NXPH1: variants seen among roughly 807,000 people sequenced by gnomAD.
The protein encoded by NXPH1 is neurexophilin 1, also known as neurexophilin-1.
In NXPH1, 5 loss-of-function variants were observed where a neutral mutation model predicts 23.7. The ratio of observed to expected loss-of-function variants is 0.21; its 90% CI spans 0.11 to 0.44. The LOEUF is 0.44. Among genes scored for constraint, NXPH1 ranks in the 20% least tolerant of loss-of-function variants. NXPH1 has a pLI of 0.99. For synonymous variants in NXPH1, 144 were observed against 122.2 expected (o/e 1.18, Z -1.18); for missense variants, 324 against 321.6 (o/e 1.01, Z -0.06).
intron 2 of NXPH1, among the ~76,000 whole-genome samples, chr7:8,509,367 T>A (rs1817578234): frequency 6.6e-6 from 1 of 152,144 alleles, no homozygotes; most frequent in Admixed American, 6.5e-5. Context: ...CACCTTGCTT[T>A]GGAAGAGCAC....
intron 2 of NXPH1, among the ~76,000 whole-genome samples, chr7:8,550,579 A>G (rs746552377): frequency 4.0e-5 from 6 of 151,586 alleles, no homozygotes; most frequent in Non-Finnish European, 5.9e-5. Flanking sequence ...TTTATATCAG[A>G]AATAATAACT....
intron 2 of NXPH1, among the ~76,000 whole-genome samples, chr7:8,688,280 CTAATG>C (rs1821177566): frequency 6.6e-6 from 1 of 152,094 alleles, no homozygotes; most frequent in Non-Finnish European, 1.5e-5. Flanking sequence ...TTTAATAACA[CTAATG>C]TAAGTCATGG....
At chr7:8,559,113 A>G (rs745406296) in intron 2 of NXPH1, among the ~76,000 whole-genome samples, 15 of 151,534 alleles carry the variant, frequency 9.9e-5, no homozygotes, top group Non-Finnish European at 2.2e-4. Flanking sequence ...TATAGGTACC[A>G]TGCATGGCTG....
At chr7:8,637,975 C>A (rs970977926) in intron 2 of NXPH1, among the ~76,000 whole-genome samples, 1 of 152,008 alleles carries the variant, frequency 6.6e-6, no homozygotes, top group East Asian at 1.9e-4. Flanking sequence ...TCTAGACTAT[C>A]AAATTAAATA....
intron 2 of NXPH1, among the ~76,000 whole-genome samples, chr7:8,614,685 G>A (rs1819697312): frequency 1.3e-5 from 2 of 151,892 alleles, no homozygotes; most frequent in Admixed American, 6.6e-5. Context: ...AAACTCACTG[G>A]AAAGATTTAA....
intron 2 of NXPH1, among the ~76,000 whole-genome samples, chr7:8,732,206 A>G (rs1292279955): frequency 6.6e-6 from 1 of 152,194 alleles, no homozygotes; most frequent in Non-Finnish European, 1.5e-5. Flanking sequence ...CGGCTCGTGC[A>G]TGGTGCGCGC....
intron 2 of NXPH1, among the ~76,000 whole-genome samples, chr7:8,685,438 A>AT (rs58840445): frequency 0.38 from 55,973 of 147,808 alleles, 10,319 homozygotes; most frequent in East Asian, 0.44. Flanking sequence ...ACTGGATCTC[A>AT]TTTTTTTTTT....
At chr7:8,478,486 G>A (rs932706417) in intron 2 of NXPH1, among the ~76,000 whole-genome samples, 1 of 151,960 alleles carries the variant, frequency 6.6e-6, no homozygotes, top group South Asian at 2.1e-4. Context: ...CAAATTTTAA[G>A]ATCAAAAAGA....
At position 8,710,812 on chromosome 7, in the gene NXPH1, G is replaced by T. The variant is rs192905444; in HGVS notation, c.55-40196G>T. Among the ~76,000 whole-genome samples the T allele has an allele frequency of 2.9e-5, 4 of 138,144 alleles. 1 individual carries two copies. In the East Asian group the frequency reaches 6.6e-4, roughly 23 times the overall value. The allele number at this position is 138,144 out of a possible 152,430, so 90.6% of individuals were successfully genotyped here. A position where few individuals can be genotyped will look rare whatever the true frequency, so the allele number is the denominator to read the frequency against. On this transcript the variant is annotated intron_variant, in intron 2 of 2. Coordinates refer to ENST00000405863, the MANE Select transcript of NXPH1 (RefSeq NM_152745.3). ...CCAGTAGCTGGGACTACAGGCGCCCGCCACCGCGCCCGGCTAATTTTTTGT... is the reference window on the plus strand; with the variant it reads ...CCAGTAGCTGGGACTACAGGCGCCCTCCACCGCGCCCGGCTAATTTTTTGT...
intron 2 of NXPH1, among the ~76,000 whole-genome samples, chr7:8,475,081 G>A (rs1486548096): frequency 6.6e-6 from 1 of 152,102 alleles, no homozygotes; most frequent in Non-Finnish European, 1.5e-5. Context: ...GGTGGGAAGA[G>A]GGTGTTGAGA....
intron 2 of NXPH1, among the ~76,000 whole-genome samples, chr7:8,690,005 T>A (rs758447077): frequency 6.6e-5 from 10 of 152,210 alleles, no homozygotes; most frequent in Non-Finnish European, 1.5e-4. Context: ...TAGGTGAATA[T>A]GAATTGCCTT....
At chr7:8,741,280 C>G (rs1207547096) in intron 2 of NXPH1, among the ~76,000 whole-genome samples, 1 of 152,114 alleles carries the variant, frequency 6.6e-6, no homozygotes, top group Non-Finnish European at 1.5e-5. Context: ...TTATATAGCT[C>G]ATATCTTCTT....
chr7:8,518,800 C>G (rs1817726361), intron 2 of NXPH1, among the ~76,000 whole-genome samples: 1 of 152,154 alleles, frequency 6.6e-6, no homozygotes, highest in Non-Finnish European at 1.5e-5. Context: ...CTTTCTAATC[C>G]ATGGGTTTTG....
At chr7:8,518,519 T>C (rs1256015499) in intron 2 of NXPH1, among the ~76,000 whole-genome samples, 1 of 152,130 alleles carries the variant, frequency 6.6e-6, no homozygotes, top group African/African-American at 2.4e-5. Flanking sequence ...TAGAGGCAGG[T>C]CTTGCTGTGT....
chr7:8,544,042 A>G (rs947935998), intron 2 of NXPH1, among the ~76,000 whole-genome samples: 1 of 151,622 alleles, frequency 6.6e-6, no homozygotes, highest in South Asian at 2.1e-4. Flanking sequence ...TCCGCAATCC[A>G]ACTCTCCAGG....
intron 2 of NXPH1, among the ~76,000 whole-genome samples, chr7:8,707,769 G>A (rs542300033): frequency 3.9e-5 from 6 of 152,002 alleles, no homozygotes; most frequent in Non-Finnish European, 8.8e-5. Context: ...CCTGAGCTTT[G>A]ATTTCTTCTC....
chr7:8,725,123 T>C (rs1270915253), intron 2 of NXPH1, among the ~76,000 whole-genome samples: 1 of 152,172 alleles, frequency 6.6e-6, no homozygotes, highest in East Asian at 1.9e-4. Context: ...CTCAAGGGAA[T>C]AGTTTTCTTA....
chr7:8,530,329 C>T (rs530181101), intron 2 of NXPH1, among the ~76,000 whole-genome samples: 15 of 152,222 alleles, frequency 9.9e-5, no homozygotes, highest in East Asian at 1.9e-4. Context: ...TAAAAAGCAA[C>T]GTGTTAGAAT....
chr7:8,589,914 G>A (rs59575675), intron 2 of NXPH1, among the ~76,000 whole-genome samples: 2 of 151,836 alleles, frequency 1.3e-5, no homozygotes, highest in African/African-American at 4.8e-5. Flanking sequence ...AAAATAAAAT[G>A]AAATTCAATT....
Sources: gnomAD v4.1 joint callset for allele counts (sites outside exome capture counted in the v4.1 genomes callset) on GRCh38, gnomAD v4.1.1 for gene constraint, MANE v1.5 for transcripts, NCBI Gene and HGNC (gene_info 2026-07-23, HGNC 2026-07-21) for gene names.